Variants in SH3GLB2 observed in about 807,000 individuals in gnomAD.
SH3GLB2 encodes SH3 domain containing GRB2 like, endophilin B2.
A neutral mutation model predicts 48.0 loss-of-function variants in SH3GLB2; 24 were observed. The ratio of observed to expected loss-of-function variants is 0.50; its 90% CI spans 0.36 to 0.70. SH3GLB2 has a LOEUF of 0.70. SH3GLB2 is among the 30% of genes least tolerant of loss of function. SH3GLB2 has a pLI of 0.00. For synonymous variants in SH3GLB2, 227 were observed against 207.6 expected (o/e 1.09, Z -0.80); for missense variants, 425 against 516.0 (o/e 0.82, Z 1.71).
At chr9:129,021,436 G>C (rs1246694869) in intron 2 of SH3GLB2, among the ~76,000 whole-genome samples, 1 of 152,142 alleles carries the variant, frequency 6.6e-6, no homozygotes, top group Admixed American at 6.5e-5. Flanking sequence ...TTATTAATAT[G>C]ATTACAGACC....
chr9:129,013,340 T>C, intron 5 of SH3GLB2: 1 of 412,762 alleles, frequency 2.4e-6, no homozygotes, highest in Non-Finnish European at 4.5e-6. Context: ...ACCACTGCAA[T>C]GACAGGAAAG....
rs1328092125 is a variant in SH3GLB2 at position 129,012,298 on chromosome 9, T to C, written c.562A>G (p.Thr188Ala). The change falls in exon 6 of 11, where the codon ACG (threonine) becomes GCG (alanine). Residue 188 changes from threonine to alanine, a missense_variant and splice_region_variant. Thr to Ala is a moderately conservative substitution (Grantham distance 58). Coordinates refer to ENST00000372564, the MANE Select transcript of SH3GLB2 (RefSeq NM_020145.4). ...KAKAAEAKAT[T>A]VPDFQETRPR... ...CTAGTCTCCTGAAAGTCAGGCACCGTCTGGCGGGGAACAGAGTTCATGTGG... is the reference window on the plus strand; with the variant it reads ...CTAGTCTCCTGAAAGTCAGGCACCGCCTGGCGGGGAACAGAGTTCATGTGG... The C allele has an allele frequency of 7.7e-7, 1 of 1,301,026 alleles. No homozygotes were observed. Among genetic ancestry groups the C allele is most frequent in the Non-Finnish European group, 9.8e-7 (1 of 1,017,434 alleles). 80.6% of individuals were successfully genotyped at this position (1,301,026 alleles called of 1,614,324 possible). A position where few individuals can be genotyped will look rare whatever the true frequency, so the allele number is the denominator to read the frequency against.
intron 5 of SH3GLB2, 104 bp from the exon 6 acceptor site, chr9:129,012,402 G>A: frequency 1.6e-6 from 1 of 643,598 alleles, no homozygotes; most frequent in Non-Finnish European, 2.3e-6. Context: ...GATGCCAAGA[G>A]GCCTGACCCC....
At chr9:129,016,641 G>GA (rs1035557659) in intron 3 of SH3GLB2, among the ~76,000 whole-genome samples, 172 of 133,572 alleles carry the variant, frequency 1.3e-3, no homozygotes, top group Admixed American at 1.6e-3. Context: ...CTGGGTGACA[G>GA]AAAAAAAAAA....
In SH3GLB2 at chr9:129,014,522, G is replaced by A; in HGVS notation, c.469-19C>T. 1.3e-6 allele frequency: 2 copies of A among 1,551,088 alleles called. No homozygotes were observed. The highest frequency in any genetic ancestry group is 4.9e-5 in the East Asian group (2 of 40,930). ...TCTCCTTCTACAGGGCAGGGCATGG[G>A]GACAGTGAGACCCTGGGCTGCCCTG... is the stretch of plus-strand genomic sequence containing the variant. On this transcript the variant is annotated intron_variant, in intron 4 of 10. Coordinates refer to ENST00000372564, the MANE Select transcript of SH3GLB2 (RefSeq NM_020145.4). This position sits in a 1 kb window ranked among gnomAD's most constrained non-coding sequence, Gnocchi z 4.1.
intron 3 of SH3GLB2, among the ~76,000 whole-genome samples, chr9:129,016,556 G>T (rs1843435544): frequency 6.6e-6 from 1 of 151,512 alleles, no homozygotes; most frequent in Admixed American, 6.6e-5. Context: ...TACTCAGGAG[G>T]CTGAGGTAGG....
At chr9:129,025,403 G>A (rs554894920) in intron 1 of SH3GLB2, among the ~76,000 whole-genome samples, 39 of 149,296 alleles carry the variant, frequency 2.6e-4, no homozygotes, top group Non-Finnish European at 4.3e-4. Flanking sequence ...TCTCTACTAA[G>A]TACAAAAAAA....
intron 3 of SH3GLB2, among the ~76,000 whole-genome samples, chr9:129,020,606 G>A (rs1394162346): frequency 2.6e-5 from 4 of 151,240 alleles, no homozygotes; most frequent in Admixed American, 6.6e-5. Context: ...GGTGGCTCAC[G>A]CCTGTAATCC....
chr9:129,012,029 G>A, intron 6 of SH3GLB2: 2 of 398,820 alleles, frequency 5.0e-6, no homozygotes, highest in East Asian at 7.1e-5. Flanking sequence ...AACAAGTCCA[G>A]CTCCATGGCC....
intron 1 of SH3GLB2, 30 bp from the exon 2 acceptor site, chr9:129,022,453 GA>G: frequency 1.3e-6 from 2 of 1,592,644 alleles, no homozygotes; most frequent in Admixed American, 1.7e-5. Flanking sequence ...AAGGGGTGGG[GA>G]GGGGGAGAGC....
At position 129,009,964 on chromosome 9, in the gene SH3GLB2, C is replaced by T. The variant is rs750237570; in HGVS notation, c.739-93G>A. ...CCCCGTCCTCTACCAGACCTTGCTC[C>T]GGCATTCCAGGGTGCCCTGCCCCTG... is the stretch of plus-strand genomic sequence containing the variant. On this transcript the variant is annotated intron_variant, in intron 8 of 10. Transcript: ENST00000372564. The T allele has an allele frequency of 4.2e-5, 59 of 1,414,888 alleles. No individual in the cohort carries two copies. The Middle Eastern group carries it at 1.1e-3, about 26-fold the overall frequency. The allele number at this position is 1,414,888 out of a possible 1,614,324, so 87.6% of individuals were successfully genotyped here.
chr9:129,018,137 C>G (rs537719967), intron 3 of SH3GLB2, among the ~76,000 whole-genome samples: 1 of 152,088 alleles, frequency 6.6e-6, no homozygotes, highest in Non-Finnish European at 1.5e-5. Context: ...CATACATTCT[C>G]TGATCGCAGT....
At chr9:129,012,349 C>G in intron 5 of SH3GLB2, 51 bp from the exon 6 acceptor site, 1 of 1,209,490 alleles carries the variant, frequency 8.3e-7, no homozygotes, top group South Asian at 3.6e-5. Context: ...GGGCCAGGGC[C>G]AGGGTCGAGG....
chr9:129,010,537 G>T, intron 7 of SH3GLB2, 133 bp downstream of exon 7: 1 of 1,023,576 alleles, frequency 9.8e-7, no homozygotes, highest in Non-Finnish European at 1.5e-6. Context: ...TGAGGCCCAG[G>T]GAGGGAAAGC....
rs560132723 is a variant in SH3GLB2, at chr9:129,019,763, A to C, written c.334+1328T>G. Among the ~76,000 whole-genome samples, 66 of 151,800 alleles carry C rather than the reference A, an allele frequency of 4.3e-4. No individual in the cohort carries two copies. The South Asian group carries it at 0.013, about 31-fold the overall frequency. The stretch of plus-strand genomic sequence containing the variant: ...GTGGAGATGTTTGTACAACTCTGTA[A>C]ATTTACTAAAAATCATTGAATTATA... On this transcript the variant is annotated intron_variant, in intron 3 of 10. Transcript: ENST00000372564.
chr9:129,012,976 A>C (rs1220727933), intron 5 of SH3GLB2: 12 of 1,551,012 alleles, frequency 7.7e-6, no homozygotes, highest in Non-Finnish European at 1.0e-5. Flanking sequence ...GCAGACCGGA[A>C]GCAGCACAGC....
In SH3GLB2 at chr9:129,023,863, G is replaced by A. The variant is rs538319440; in HGVS notation, c.64-1440C>T. On this transcript the variant is annotated intron_variant, in intron 1 of 10. Coordinates refer to ENST00000372564, the MANE Select transcript of SH3GLB2 (RefSeq NM_020145.4). ...TGGCTGGCTCTGCCTCCTCTTCCTC[G>A]TCACACTCCCCAAAATGAGACCTTC... 5.9e-5 allele frequency among the ~76,000 whole-genome samples: 9 copies of A among 151,980 alleles called. No homozygotes were observed. In the South Asian group the frequency reaches 6.2e-4, roughly 11 times the overall value.
In SH3GLB2 at chr9:129,008,672, G is replaced by A. The variant is rs1405537553; in HGVS notation, c.*12C>T. 1.2e-6 allele frequency: 2 copies of A among 1,606,640 alleles called. No individual in the cohort carries two copies. Among genetic ancestry groups the A allele is most frequent in the African/African-American group, 1.3e-5 (1 of 74,774 alleles). On this transcript the variant is annotated 3_prime_UTR_variant, in exon 11 of 11. Transcript: ENST00000372564. ...GCCTAGGCCAGAATGCGGGGGGGATGGGGGCACCTGCCTAGCTGAGCAGTT... is the reference window on the plus strand; with the variant it reads ...GCCTAGGCCAGAATGCGGGGGGGATAGGGGCACCTGCCTAGCTGAGCAGTT...
At chr9:129,017,735 G>GA (rs137926854) in intron 3 of SH3GLB2, among the ~76,000 whole-genome samples, 110 of 142,230 alleles carry the variant, frequency 7.7e-4, no homozygotes, top group South Asian at 1.1e-3. Flanking sequence ...CGTCTCCACT[G>GA]AAAAAAAAAA....
Sources: gnomAD v4.1 joint callset for allele counts (sites outside exome capture counted in the v4.1 genomes callset) on GRCh38, gnomAD v4.1.1 for gene constraint, Gnocchi (gnomAD v3.1) non-coding constraint, MANE v1.5 for transcripts, NCBI Gene and HGNC (gene_info 2026-07-23, HGNC 2026-07-21) for gene names.